Variants in MED12L observed in about 807,000 individuals in gnomAD.
The protein encoded by MED12L is mediator of RNA polymerase II transcription subunit 12-like protein.
A neutral mutation model predicts 281.3 loss-of-function variants in MED12L; 60 were observed. The observed-to-expected ratio is 0.21, with a 90% CI of 0.17 to 0.26. The LOEUF is 0.26. Among genes scored for constraint, MED12L ranks in the 10% least tolerant of loss-of-function variants. The pLI is 1.00. For missense variants in MED12L, 2,146 were observed against 2,680.9 expected (o/e 0.80, Z 4.41); for synonymous variants, 974 against 987.2 (o/e 0.99, Z 0.25).
intron 20 of MED12L, among the ~76,000 whole-genome samples, chr3:151,358,054 A>G (rs1754141605): frequency 6.6e-6 from 1 of 152,040 alleles, no homozygotes; most frequent in Non-Finnish European, 1.5e-5. Context: ...CTTTCTCTTC[A>G]GTTTTTCCTT....
chr3:151,086,761 G>C (rs1393323211), intron 1 of MED12L, 37 bp from the exon 2 acceptor site: 1 of 557,602 alleles, frequency 1.8e-6, no homozygotes, highest in Non-Finnish European at 3.2e-6. Context: ...GCCGGGCAGC[G>C]GCAGCATCCA....
intron 2 of MED12L, among the ~76,000 whole-genome samples, chr3:151,107,654 T>C (rs1722243840): frequency 6.6e-6 from 1 of 152,112 alleles, no homozygotes; most frequent in African/African-American, 2.4e-5. Flanking sequence ...TAAAATAGAT[T>C]AAATGAAAGT....
chr3:151,364,058 C>T (rs1172102845), intron 21 of MED12L, among the ~76,000 whole-genome samples: 2 of 152,040 alleles, frequency 1.3e-5, no homozygotes, highest in Admixed American at 1.3e-4. Flanking sequence ...CTGCCAAAAA[C>T]TTAATCTATA....
rs376790818 is a variant in MED12L at position 151,390,217 on chromosome 3, A to T, written c.5608+82A>T. 58 of 1,376,082 alleles carry T rather than the reference A, an allele frequency of 4.2e-5. 2 individuals are homozygous for T. The highest frequency in any genetic ancestry group is 2.7e-4 in the Admixed American group (15 of 55,386). The allele number at this position is 1,376,082 out of a possible 1,614,324, so 85.2% of individuals were successfully genotyped here. ...TTGCTTTTAACCTGAAACCTCCACA[A>T]AACTTGGACATTTCAACCACTGAGT... On this transcript the variant is annotated intron_variant, in intron 38 of 44. Coordinates refer to ENST00000687756, the MANE Select transcript of MED12L (RefSeq NM_001393769.1).
intron 39 of MED12L, among the ~76,000 whole-genome samples, chr3:151,402,636 C>T (rs1418795527): frequency 2.0e-5 from 3 of 152,162 alleles, no homozygotes; most frequent in African/African-American, 4.8e-5. Context: ...AGTTGCAGCA[C>T]GTTTTGGTGT....
intron 26 of MED12L, among the ~76,000 whole-genome samples, chr3:151,371,643 C>T (rs1055061296): frequency 2.0e-5 from 3 of 152,022 alleles, no homozygotes; most frequent in Admixed American, 6.6e-5. Flanking sequence ...TTGTTTTGCC[C>T]ACTTGCTGCA....
intron 16 of MED12L, among the ~76,000 whole-genome samples, chr3:151,233,890 A>G (rs1412467944): frequency 6.6e-6 from 1 of 152,202 alleles, no homozygotes; most frequent in Admixed American, 6.5e-5. Context: ...TTTTAAAACT[A>G]ATGATTTTAG....
chr3:151,202,285 T>C (rs371004974), intron 16 of MED12L, among the ~76,000 whole-genome samples: 2 of 152,212 alleles, frequency 1.3e-5, no homozygotes, highest in South Asian at 2.1e-4. Flanking sequence ...TACTTACCAG[T>C]GAAAATGTGA....
intron 43 of MED12L, among the ~76,000 whole-genome samples, chr3:151,422,267 C>CAATGTA: frequency 6.6e-6 from 1 of 152,272 alleles, no homozygotes; most frequent in Non-Finnish European, 1.5e-5. Flanking sequence ...TGCTAGAACT[C>CAATGTA]CCTAACAAAG....
At chr3:151,166,986 T>A (rs1720807617) in intron 11 of MED12L, among the ~76,000 whole-genome samples, 1 of 152,184 alleles carries the variant, frequency 6.6e-6, no homozygotes, top group Non-Finnish European at 1.5e-5. Context: ...GACCTTAGTC[T>A]TTTAAGACTT....
At chr3:151,318,960 C>A (rs1748640556) in intron 16 of MED12L, among the ~76,000 whole-genome samples, 1 of 152,162 alleles carries the variant, frequency 6.6e-6, no homozygotes, top group African/African-American at 2.4e-5. Context: ...TTTCCCAATA[C>A]CTCTGTAAGC....
At chr3:151,199,026 T>G (rs775816839) in intron 16 of MED12L, 35 of 1,614,048 alleles carry the variant, frequency 2.2e-5, no homozygotes, top group Non-Finnish European at 2.7e-5. Flanking sequence ...CGGTAGATCT[T>G]GCAGCTGTGT....
intron 43 of MED12L, among the ~76,000 whole-genome samples, chr3:151,425,912 C>G (rs749583353): frequency 6.6e-6 from 1 of 152,058 alleles, no homozygotes; most frequent in Non-Finnish European, 1.5e-5. Context: ...TAGAGTGGAA[C>G]GAAGTGGGGA....
chr3:151,176,357 G>A (rs1722048010), intron 11 of MED12L, among the ~76,000 whole-genome samples: 1 of 149,594 alleles, frequency 6.7e-6, no homozygotes. Context: ...GAGTTATGTT[G>A]TGGCAAGAGG....
At chr3:151,257,731 G>T (rs891271484) in intron 16 of MED12L, among the ~76,000 whole-genome samples, 1 of 152,198 alleles carries the variant, frequency 6.6e-6, no homozygotes, top group South Asian at 2.1e-4. Context: ...TTGAAATTCA[G>T]TGTAAACATG....
intron 16 of MED12L, among the ~76,000 whole-genome samples, chr3:151,241,215 G>T (rs1177127732): frequency 1.3e-5 from 2 of 152,026 alleles, no homozygotes; most frequent in East Asian, 3.9e-4. Context: ...CTCTTTAGTT[G>T]GTTGAGTGAT....
intron 16 of MED12L, among the ~76,000 whole-genome samples, chr3:151,267,327 A>G (rs946960468): frequency 6.6e-6 from 1 of 152,226 alleles, no homozygotes. Context: ...GAAATACTTC[A>G]TGAGAAAAGG....
chr3:151,418,081 A>G (rs1717828925), intron 43 of MED12L, among the ~76,000 whole-genome samples: 1 of 152,228 alleles, frequency 6.6e-6, no homozygotes, highest in Non-Finnish European at 1.5e-5. Flanking sequence ...AAAATTTGCA[A>G]GAATAGTACA....
At chr3:151,304,548 C>G (rs903892747) in intron 16 of MED12L, among the ~76,000 whole-genome samples, 3 of 150,680 alleles carry the variant, frequency 2.0e-5, no homozygotes, top group Non-Finnish European at 4.4e-5. Flanking sequence ...CCAGCCTGGG[C>G]GACAGAGTGA....
Sources: allele counts gnomAD v4.1 joint callset (sites outside exome capture counted in the v4.1 genomes callset), GRCh38; gene constraint gnomAD v4.1.1; transcripts MANE v1.5; gene names NCBI Gene and HGNC (gene_info 2026-07-23, HGNC 2026-07-21).